The following SEC22B variants were observed in gnomAD, a reference collection of about 807,000 sequenced individuals.
The protein encoded by SEC22B is vesicle-trafficking protein SEC22b.
In SEC22B, 10 loss-of-function variants were observed where a neutral mutation model predicts 31.4. The ratio of observed to expected loss-of-function variants is 0.32; its 90% CI spans 0.20 to 0.54. SEC22B has a LOEUF of 0.54. SEC22B is among the 20% of genes least tolerant of loss of function. The pLI, the probability that SEC22B is intolerant of heterozygous loss-of-function variation, is 0.94. For synonymous variants in SEC22B, 60 were observed against 95.9 expected, an observed-to-expected ratio of 0.63 and a Z score of 2.19; for missense variants, 130 against 263.4, an observed-to-expected ratio of 0.49 and a Z score of 3.50.
chr1:120,153,241 G>GA lies in SEC22B; in HGVS notation c.*3796dup, dbSNP rs1380722338. ...TTTACCTTCCTCCTGAGCCATCTGGGAAAAAACCAACCAACCAACCAACCA... is the reference window on the plus strand; with the variant it reads ...TTTACCTTCCTCCTGAGCCATCTGGGAAAAAAACCAACCAACCAACCAACCA... On this transcript the variant is annotated 3_prime_UTR_variant, in exon 5 of 5. Coordinates refer to ENST00000578049, the MANE Select transcript of SEC22B (RefSeq NM_004892.6). The GA allele has an allele frequency of 3.4e-5, 5 of 145,278 alleles. No individual in the cohort carries two copies. Among genetic ancestry groups the GA allele is most frequent in the African/African-American group, 5.6e-5 (2 of 35,958 alleles). 9.0% of individuals were successfully genotyped at this position (145,278 alleles called of 1,614,324 possible). A position where few individuals can be genotyped will look rare whatever the true frequency, so the allele number is the denominator to read the frequency against.
chr1:120,161,146 A>C (rs1657710151), intron 3 of SEC22B, among the ~76,000 whole-genome samples: 1 of 152,112 alleles, frequency 6.6e-6, no homozygotes, highest in Non-Finnish European at 1.5e-5. Flanking sequence ...GCCTTTCCTG[A>C]AAACAGAAAT....
Position 120,160,467 on chromosome 1 carries a change from G to T in SEC22B, c.410C>A (p.Ser137Tyr). The T allele has an allele frequency of 3.1e-6, 5 of 1,611,388 alleles. No individual in the cohort carries two copies. The highest frequency in any genetic ancestry group is 3.4e-6 in the Non-Finnish European group (4 of 1,178,358). ...CACATCTTGCAATTCAGTGTTGATG[G>T]AGCCTAGATTTCTTCGAGCACGACT... ...IDSRARRNLG[S>Y]INTELQDVQR... Residue 137 changes from serine (S) to tyrosine (Y), a missense_variant, in exon 4 of 5, where the codon TCC (serine) becomes TAC (tyrosine). By Grantham distance (144) the Ser-to-Tyr change is moderately radical. Transcript: ENST00000578049.
intron 2 of SEC22B, 74 bp downstream of exon 2, chr1:120,168,766 T>G (rs1657850346): frequency 1.2e-5 from 6 of 481,978 alleles, no homozygotes; most frequent in Admixed American, 9.4e-5. Context: ...TTTTTAAAAA[T>G]TATTATTTTT....
chr1:120,176,419 GC>G lies in SEC22B; in HGVS notation c.-39del. On this transcript the variant is annotated 5_prime_UTR_variant, in exon 1 of 5. Transcript: ENST00000578049. ...CAGGGATCCAACACTGGCCCGGAAG[GC>G]CCTTGGCGCCGTCCTCACTTCCTCC... is the stretch of plus-strand genomic sequence containing the variant. 6.3e-7 allele frequency: 1 copy of G among 1,584,494 alleles called. No homozygotes were observed. Among genetic ancestry groups the G allele is most frequent in the Non-Finnish European group, 8.7e-7 (1 of 1,155,344 alleles).
At chr1:120,176,272 G>A in intron 1 of SEC22B, 35 bp downstream of exon 1, 1 of 1,596,030 alleles carries the variant, frequency 6.3e-7, no homozygotes, top group Middle Eastern at 1.7e-4. Flanking sequence ...CGCTGACAGA[G>A]ACTTGGGGTC....
chr1:120,170,001 GAGGGC>G (rs1657869970), intron 1 of SEC22B, among the ~76,000 whole-genome samples: 1 of 151,590 alleles, frequency 6.6e-6, no homozygotes, highest in Non-Finnish European at 1.5e-5. Flanking sequence ...AGAGACCCCA[GAGGGC>G]TAGCTTGCTC....
Position 120,160,401 on chromosome 1 carries a change from C to T in SEC22B, c.476G>A (p.Arg159Gln), listed in dbSNP as rs1415384396. 1.7e-5 allele frequency: 28 copies of T among 1,611,330 alleles called. No individual in the cohort carries two copies. Among genetic ancestry groups the T allele is most frequent in the East Asian group, 2.2e-5 (1 of 44,824 alleles). ...TTAGATACCTGAGAGTGCTTCTCCT[C>T]GTTGTAACACTTCTTCAATATTGGC... ...MVANIEEVLQ[R>Q]GEALSALDSK... Residue 159 changes from arginine to glutamine, a missense_variant, in exon 4 of 5, where the codon CGA becomes CAA. Around this residue, in one of 4 missense-constraint regions of SEC22B, gnomAD observed 53 missense variants for 63.3 expected, o/e 0.84. Transcript: ENST00000578049.
At chr1:120,174,296 G>C (rs1341791704) in intron 1 of SEC22B, among the ~76,000 whole-genome samples, 10 of 152,420 alleles carry the variant, frequency 6.6e-5, no homozygotes, top group Admixed American at 1.3e-4. Context: ...ACAGTGTTTG[G>C]TATGTAGTAG....
rs1467156081 is a variant in SEC22B at position 120,176,365 on chromosome 1, A to G, written c.17T>C (p.Met6Thr). Residue 6 changes from methionine to threonine, a missense_variant, in exon 1 of 5, where the codon ATG (methionine) becomes ACG (threonine). This residue lies in a region of SEC22B where 32 missense variants were observed against 26.3 expected (regional missense o/e 1.22). Coordinates refer to ENST00000578049, the MANE Select transcript of SEC22B (RefSeq NM_004892.6). ...GAGCCCGTCCGCCACTCGGGCGATC[A>G]TTGTTAGCAACACCATCTTCACAAA... MVLLTMIARVADGLPL... is the reference protein window; with the variant it reads MVLLTTIARVADGLPL... 8.7e-6 allele frequency: 14 copies of G among 1,613,660 alleles called. No homozygotes were observed. Among genetic ancestry groups the G allele is most frequent in the African/African-American group, 1.3e-5 (1 of 74,932 alleles).
At chr1:120,167,798 G>GAAGA (rs1657836617) in intron 2 of SEC22B, among the ~76,000 whole-genome samples, 1 of 152,186 alleles carries the variant, frequency 6.6e-6, no homozygotes, top group Non-Finnish European at 1.5e-5. Flanking sequence ...GAATCAGGCA[G>GAAGA]AAGAAAATCT....
chr1:120,156,590 T>G lies in SEC22B; in HGVS notation c.*448A>C. 7.2e-6 allele frequency: 1 copy of G among 138,406 alleles called. No homozygotes were observed. Among genetic ancestry groups the G allele is most frequent in the African/African-American group, 2.8e-5 (1 of 36,328 alleles). 8.6% of individuals were successfully genotyped at this position (138,406 alleles called of 1,614,324 possible). A position where few individuals can be genotyped will look rare whatever the true frequency, so the allele number is the denominator to read the frequency against. On this transcript the variant is annotated 3_prime_UTR_variant, in exon 5 of 5. Coordinates refer to ENST00000578049, the MANE Select transcript of SEC22B (RefSeq NM_004892.6). ...TCACAAATGTCACCAACAAAAGGAATGTTGATTAGAGTCAAAAAAAAAAAA... is the reference window on the plus strand; with the variant it reads ...TCACAAATGTCACCAACAAAAGGAAGGTTGATTAGAGTCAAAAAAAAAAAA...
chr1:120,160,707 G>C (rs1221655073), intron 3 of SEC22B, among the ~76,000 whole-genome samples, 177 bp from the exon 4 acceptor site: 2 of 152,056 alleles, frequency 1.3e-5, no homozygotes, highest in Non-Finnish European at 2.9e-5. Context: ...GGCTAACACA[G>C]TGAAACCCCG....
intron 2 of SEC22B, among the ~76,000 whole-genome samples, chr1:120,168,456 C>T (rs1414896190): frequency 1.3e-5 from 2 of 152,024 alleles, no homozygotes; most frequent in African/African-American, 4.8e-5. Context: ...TCTCAAACCT[C>T]CTATGTTTAT....
At chr1:120,164,752 A>T (rs1657780050) in intron 2 of SEC22B, among the ~76,000 whole-genome samples, 2 of 152,030 alleles carry the variant, frequency 1.3e-5, no homozygotes, top group Admixed American at 6.6e-5. Flanking sequence ...TGGTAGAAAG[A>T]TTTGTTTCCT....
chr1:120,163,924 ATTT>A (rs1657760463), intron 2 of SEC22B, among the ~76,000 whole-genome samples: 1 of 129,628 alleles, frequency 7.7e-6, no homozygotes, highest in Non-Finnish European at 1.7e-5. Flanking sequence ...ATTTATTATA[ATTT>A]TTCATCCATT....
chr1:120,163,949 T>C (rs1390159085), intron 2 of SEC22B, among the ~76,000 whole-genome samples: 37 of 117,342 alleles, frequency 3.2e-4, no homozygotes, highest in African/African-American at 1.5e-3. Context: ...GATTCTCTTT[T>C]TTTTTTTTTT....
intron 3 of SEC22B, among the ~76,000 whole-genome samples, chr1:120,160,847 C>A (rs1257106367): frequency 2.0e-5 from 3 of 151,880 alleles, no homozygotes; most frequent in African/African-American, 7.3e-5. Context: ...CGAGATCACA[C>A]CACCACCACA....
chr1:120,176,361 G>C lies in SEC22B; in HGVS notation c.21C>G (p.Ile7Met). The change falls in exon 1 of 5, where the codon ATC becomes ATG. Residue 7 changes from isoleucine to methionine, a missense_variant. Transcript: ENST00000578049. Reference protein sequence around the residue: MVLLTMIARVADGLPLA... With the variant: MVLLTMMARVADGLPLA... ...GCGGGAGCCCGTCCGCCACTCGGGC[G>C]ATCATTGTTAGCAACACCATCTTCA... The C allele has an allele frequency of 6.2e-7, 1 of 1,613,732 alleles. No homozygotes were observed.
Position 120,152,603 on chromosome 1 carries a change from G to A in SEC22B, c.*4435C>T, listed in dbSNP as rs71260485. Reference sequence around the variant, plus strand: ...TGAGAAAGGAGCAAATAAGGAAAGAGGTATTACAAACCAAGAGTAAAAAAG... The same window carrying A: ...TGAGAAAGGAGCAAATAAGGAAAGAAGTATTACAAACCAAGAGTAAAAAAG... On this transcript the variant is annotated 3_prime_UTR_variant, in exon 5 of 5. Coordinates refer to ENST00000578049, the MANE Select transcript of SEC22B (RefSeq NM_004892.6). 2 of 149,488 alleles carry A rather than the reference G, an allele frequency of 1.3e-5. No homozygotes were observed. Among genetic ancestry groups the A allele is most frequent in the Non-Finnish European group, 3.0e-5 (2 of 67,442 alleles). 9.3% of individuals were successfully genotyped at this position (149,488 alleles called of 1,614,324 possible).
Sources: allele counts gnomAD v4.1 joint callset (sites outside exome capture counted in the v4.1 genomes callset), GRCh38; gene constraint gnomAD v4.1.1; regional missense constraint gnomAD v4.1.1; transcripts MANE v1.5; gene names NCBI Gene and HGNC (gene_info 2026-07-23, HGNC 2026-07-21).